CMC2: variants seen among roughly 807,000 people sequenced by gnomAD.
CMC2 encodes the protein COX assembly mitochondrial protein 2 homolog.
A neutral mutation model predicts 7.5 loss-of-function variants in CMC2; 5 were observed. That is an observed-to-expected ratio of 0.66 (90% CI 0.35 to 1.40). The LOEUF (loss-of-function observed/expected upper bound fraction) is 1.40. Among genes scored for constraint, CMC2 ranks in the 40% most tolerant of loss-of-function variants. The pLI, the probability that CMC2 is intolerant of heterozygous loss-of-function variation, is 0.04. For synonymous variants in CMC2, 37 were observed against 31.4 expected (o/e 1.18, Z -0.60); for missense variants, 115 against 92.3 (o/e 1.25, Z -1.01).
rs536795730 is a variant in CMC2 at position 80,973,950 on chromosome 16, G to A, written c.*2143C>T. On this transcript the variant is annotated 3_prime_UTR_variant, in exon 4 of 4. Coordinates refer to ENST00000219400, the MANE Select transcript of CMC2 (RefSeq NM_020188.5). ...AAGTTTCATCCTGCTCTTATGGTCA[G>A]CTACTGACATTGGCCTACAGGGCCT... is the stretch of plus-strand genomic sequence containing the variant. 2.6e-5 allele frequency: 4 copies of A among 152,286 alleles called. No homozygotes were observed. The Middle Eastern group carries it at 0.014, about 518-fold the overall frequency. The allele number at this position is 152,286 out of a possible 1,614,324, so 9.4% of individuals were successfully genotyped here.
chr16:80,968,635 C>G lies in CMC2; in HGVS notation c.*7458G>C, dbSNP rs1330087953. 6.6e-6 allele frequency: 1 copy of G among 152,136 alleles called. No individual in the cohort carries two copies. The highest frequency in any genetic ancestry group is 1.5e-5 in the Non-Finnish European group (1 of 68,042). The allele number at this position is 152,136 out of a possible 1,614,324, so 9.4% of individuals were successfully genotyped here. On this transcript the variant is annotated 3_prime_UTR_variant, in exon 4 of 4. Coordinates refer to ENST00000219400, the MANE Select transcript of CMC2 (RefSeq NM_020188.5). ...AATTTTATGTACAGGATATCTGTTT[C>G]TGGTAAAATAGCTCATTAGGTAATC... is the stretch of plus-strand genomic sequence containing the variant.
In CMC2 at chr16:80,973,554, T is replaced by A. The variant is rs566179927; in HGVS notation, c.*2539A>T. 3.2e-4 allele frequency: 49 copies of A among 152,260 alleles called. No individual in the cohort carries two copies. The highest frequency in any genetic ancestry group is 1.1e-3 in the African/African-American group (46 of 41,562). 9.4% of individuals were successfully genotyped at this position (152,260 alleles called of 1,614,324 possible). ...CAGAAAGATCTTTATAAAATATAAATAAATGAAATCATAACCACTCCCTAA... is the reference window on the plus strand; with the variant it reads ...CAGAAAGATCTTTATAAAATATAAAAAAATGAAATCATAACCACTCCCTAA... On this transcript the variant is annotated 3_prime_UTR_variant, in exon 4 of 4. Transcript: ENST00000219400.
Position 80,974,920 on chromosome 16 carries a change from T to A in CMC2, c.*1173A>T, listed in dbSNP as rs1287426159. The A allele has an allele frequency of 6.6e-6, 1 of 152,250 alleles. No individual in the cohort carries two copies. Among genetic ancestry groups the A allele is most frequent in the East Asian group, 1.9e-4 (1 of 5,198 alleles). The allele number at this position is 152,250 out of a possible 1,614,324, so 9.4% of individuals were successfully genotyped here. On this transcript the variant is annotated 3_prime_UTR_variant, in exon 4 of 4. Coordinates refer to ENST00000219400, the MANE Select transcript of CMC2 (RefSeq NM_020188.5). ...GCGAAAGTCCAGCTTCTTGAATACC[T>A]CCTGTGATGGGGAAGTCACTTATTA...
intron 2 of CMC2, among the ~76,000 whole-genome samples, chr16:80,985,036 G>A (rs765079905): frequency 2.6e-5 from 4 of 152,100 alleles, no homozygotes; most frequent in Non-Finnish European, 4.4e-5. Flanking sequence ...AGATATCTGC[G>A]AACCTTTTAC....
chr16:80,996,497 A>C (rs916902613), intron 2 of CMC2, among the ~76,000 whole-genome samples: 1 of 152,232 alleles, frequency 6.6e-6, no homozygotes, highest in African/African-American at 2.4e-5. Flanking sequence ...GAAATAGCCC[A>C]AAAAATATTG....
chr16:80,989,782 T>G (rs984763499), intron 2 of CMC2, among the ~76,000 whole-genome samples: 5 of 152,342 alleles, frequency 3.3e-5, no homozygotes, highest in Admixed American at 6.5e-5. Flanking sequence ...ACAGGATACA[T>G]CCTAGTCTTT....
At chr16:80,990,077 C>A (rs1567520135) in intron 2 of CMC2, among the ~76,000 whole-genome samples, 2 of 148,282 alleles carry the variant, frequency 1.3e-5, no homozygotes, top group African/African-American at 2.5e-5. Context: ...TTCTTCCCAA[C>A]TCTGCTCATC....
chr16:80,985,686 G>T (rs1864354728), intron 2 of CMC2, among the ~76,000 whole-genome samples: 1 of 152,044 alleles, frequency 6.6e-6, no homozygotes, highest in South Asian at 2.1e-4. Flanking sequence ...AAGGAGAAAA[G>T]CTGTTATGTA....
chr16:80,996,505 T>C lies in CMC2; in HGVS notation c.81+809A>G, dbSNP rs367634183. Reference sequence around the variant, plus strand: ...GTATAGTGAAATAGCCCAAAAAATATTGTCATCAACAACATTCTTTGAACC... The same window carrying C: ...GTATAGTGAAATAGCCCAAAAAATACTGTCATCAACAACATTCTTTGAACC... On this transcript the variant is annotated intron_variant, in intron 2 of 3. Transcript: ENST00000219400. 7.2e-5 allele frequency among the ~76,000 whole-genome samples: 11 copies of C among 152,342 alleles called. No homozygotes were observed. The East Asian group carries it at 1.2e-3, about 16-fold the overall frequency.
chr16:80,978,600 T>C (rs1966871574), intron 3 of CMC2, among the ~76,000 whole-genome samples: 1 of 151,978 alleles, frequency 6.6e-6, no homozygotes, highest in Non-Finnish European at 1.5e-5. Flanking sequence ...CCAGGTGCAG[T>C]GGCTCACACC....
At chr16:80,993,434 A>G (rs1968165342) in intron 2 of CMC2, among the ~76,000 whole-genome samples, 1 of 152,200 alleles carries the variant, frequency 6.6e-6, no homozygotes, top group Non-Finnish European at 1.5e-5. Context: ...TTTGTGAGGT[A>G]GAGATAAGCA....
intron 2 of CMC2, chr16:80,991,992 C>G: frequency 2.2e-6 from 1 of 453,390 alleles, no homozygotes; most frequent in Non-Finnish European, 4.4e-6. Flanking sequence ...TAAACACTAA[C>G]CTGAAGCAAT....
At chr16:80,994,628 T>C (rs1968261543) in intron 2 of CMC2, among the ~76,000 whole-genome samples, 2 of 152,170 alleles carry the variant, frequency 1.3e-5, no homozygotes, top group Admixed American at 1.3e-4. Context: ...GAAATACAAT[T>C]TAAAACCAAA....
At position 80,975,384 on chromosome 16, in the gene CMC2, T is replaced by C. The variant is rs1440280760; in HGVS notation, c.*709A>G. On this transcript the variant is annotated 3_prime_UTR_variant, in exon 4 of 4. Transcript: ENST00000219400. ...ATCCCAACACTTTGGGAGGCTGAAGTGGGCGGATCACCTAAGCTCAGGAAT... is the reference window on the plus strand; with the variant it reads ...ATCCCAACACTTTGGGAGGCTGAAGCGGGCGGATCACCTAAGCTCAGGAAT... 1 of 152,302 alleles carries C rather than the reference T, an allele frequency of 6.6e-6. No individual in the cohort carries two copies. The highest frequency in any genetic ancestry group is 1.5e-5 in the Non-Finnish European group (1 of 68,114). 9.4% of individuals were successfully genotyped at this position (152,302 alleles called of 1,614,324 possible). A position where few individuals can be genotyped will look rare whatever the true frequency, so the allele number is the denominator to read the frequency against.
In CMC2 at chr16:80,990,695, C is replaced by G. The variant is rs116530635; in HGVS notation, c.81+6619G>C. 1.9e-3 allele frequency among the ~76,000 whole-genome samples: 286 copies of G among 152,214 alleles called. 2 individuals carry two copies. Among genetic ancestry groups the G allele is most frequent in the African/African-American group, 6.3e-3 (263 of 41,532 alleles). ...TCTTCACGAAATATATCCTGGAAGT[C>G]ATTACATGTTGGTTCAAAGAAATTT... is the stretch of plus-strand genomic sequence containing the variant. On this transcript the variant is annotated intron_variant, in intron 2 of 3. Coordinates refer to ENST00000219400, the MANE Select transcript of CMC2 (RefSeq NM_020188.5).
chr16:81,004,753 A>C (rs544817585), intron 1 of CMC2, among the ~76,000 whole-genome samples: 3 of 152,316 alleles, frequency 2.0e-5, no homozygotes, highest in African/African-American at 7.2e-5. Flanking sequence ...TCACTCCTTC[A>C]ATCTTTGTCT....
In CMC2 at chr16:80,973,672, T is replaced by G. The variant is rs1912086863; in HGVS notation, c.*2421A>C. ...TGTGTGTTCTGGCCCTGCCCACCTG[T>G]GTCCTCAGCTCATGCCACCCTCCCC... On this transcript the variant is annotated 3_prime_UTR_variant, in exon 4 of 4. Transcript: ENST00000219400. The G allele has an allele frequency of 6.6e-6, 1 of 152,236 alleles. No homozygotes were observed. 9.4% of individuals were successfully genotyped at this position (152,236 alleles called of 1,614,324 possible). A position where few individuals can be genotyped will look rare whatever the true frequency, so the allele number is the denominator to read the frequency against.
intron 3 of CMC2, chr16:80,980,828 C>T (rs764728022): frequency 8.1e-5 from 57 of 699,530 alleles, no homozygotes; most frequent in Middle Eastern, 3.4e-4. Flanking sequence ...TTGAGGCTTC[C>T]GTGAGTTACG....
chr16:81,001,610 T>C (rs1320165099), intron 1 of CMC2, among the ~76,000 whole-genome samples: 2 of 152,136 alleles, frequency 1.3e-5, no homozygotes, highest in Non-Finnish European at 2.9e-5. Context: ...ATGGTTAAGA[T>C]GGTAAATTTT....
Sources: gnomAD v4.1 joint callset for allele counts (sites outside exome capture counted in the v4.1 genomes callset) on GRCh38, gnomAD v4.1.1 for gene constraint, MANE v1.5 for transcripts, NCBI Gene and HGNC (gene_info 2026-07-23, HGNC 2026-07-21) for gene names.